GRAMD1A: variants seen among roughly 807,000 people sequenced by gnomAD.
The protein encoded by GRAMD1A is protein Aster-A.
A neutral mutation model predicts 92.0 loss-of-function variants in GRAMD1A; 50 were observed. The ratio of observed to expected loss-of-function variants is 0.54; its 90% CI spans 0.43 to 0.69. The LOEUF (loss-of-function observed/expected upper bound fraction) is 0.69. GRAMD1A is among the 30% of genes least tolerant of loss of function. GRAMD1A has a pLI of 0.00. For synonymous variants in GRAMD1A, 405 were observed against 403.6 expected (o/e 1.00, Z -0.04); for missense variants, 819 against 978.9 (o/e 0.84, Z 2.18).
chr19:35,023,308 C>CT lies in GRAMD1A; in HGVS notation c.1929dup (p.Glu644Ter). 1.9e-6 allele frequency: 3 copies of CT among 1,614,158 alleles called. No homozygotes were observed. The highest frequency in any genetic ancestry group is 2.5e-6 in the Non-Finnish European group (3 of 1,179,978). ...GGTCCCTGGAAAGGACAGCCCACAC[C>CT]TTTGAGTCCTGGCACAGCCTGGCCC... On this transcript the variant is annotated frameshift_variant, in exon 18 of 20. Transcript: ENST00000317991. LOFTEE classifies it high-confidence loss of function.
At chr19:34,997,382 A>C (rs1212686210), upstream of GRAMD1A, among the ~76,000 whole-genome samples, 5 of 145,640 alleles carry the variant, frequency 3.4e-5, no homozygotes, top group Non-Finnish European at 4.5e-5. Context: ...TCACAGGCCA[A>C]AAAAACAAAA....
chr19:35,009,970 T>C lies in GRAMD1A; in HGVS notation c.323T>C (p.Val108Ala), dbSNP rs756755493. ...CTCCCCGAAGCAGAACGCCTCATTG[T>C]GGGTGAGTCCCGGACCCCCAGTCCC... is the stretch of plus-strand genomic sequence containing the variant. Reference protein sequence around the residue: ...SKLPEAERLIVDYSCALQREI... With the variant: ...SKLPEAERLIADYSCALQREI... The change falls in exon 4 of 20, where the codon GTG (valine) becomes GCG (alanine). Residue 108 changes from valine to alanine, a missense_variant and splice_region_variant. Val to Ala is a moderately conservative substitution (Grantham distance 64, BLOSUM62 0). Around this residue, in one of 3 missense-constraint regions of GRAMD1A, gnomAD observed 144 missense variants for 220.3 expected, o/e 0.65. Transcript: ENST00000317991. 1 of 1,606,502 alleles carries C rather than the reference T, an allele frequency of 6.2e-7. No individual in the cohort carries two copies. Among genetic ancestry groups the C allele is most frequent in the Non-Finnish European group, 8.5e-7 (1 of 1,173,024 alleles).
intron 11 of GRAMD1A, among the ~76,000 whole-genome samples, chr19:35,017,116 A>C (rs938296756): frequency 6.6e-6 from 1 of 151,936 alleles, no homozygotes; most frequent in South Asian, 2.1e-4. Context: ...TGGAGGTTGC[A>C]GTGAGCCAAG....
intron 11 of GRAMD1A, among the ~76,000 whole-genome samples, chr19:35,016,330 T>G (rs113711793): frequency 6.6e-6 from 1 of 151,552 alleles, no homozygotes; most frequent in South Asian, 2.1e-4. Flanking sequence ...GGTGCGGTGG[T>G]TCACACCTGT....
chr19:34,997,777 T>C (rs556742166), upstream of GRAMD1A, among the ~76,000 whole-genome samples: 4 of 152,076 alleles, frequency 2.6e-5, no homozygotes, highest in South Asian at 8.3e-4. Flanking sequence ...GACAGAAAAG[T>C]ACACAGGGTC....
rs150714532 is a variant in GRAMD1A at position 35,012,050 on chromosome 19, G to A, written c.606+496G>A. Among the ~76,000 whole-genome samples, 459 of 152,298 alleles carry A rather than the reference G, an allele frequency of 3.0e-3. 2 individuals carry two copies. Among genetic ancestry groups the A allele is most frequent in the African/African-American group, 0.011 (441 of 41,570 alleles). On this transcript the variant is annotated intron_variant, in intron 7 of 19. Transcript: ENST00000317991. ...CCTAAGGAGGACAGGGCAGAGCCCC[G>A]GGATTCCAGCCCCATCCCCTGGGGC...
chr19:35,025,702 A>G (rs954011453), intron 19 of GRAMD1A, among the ~76,000 whole-genome samples: 33 of 152,194 alleles, frequency 2.2e-4, no homozygotes, highest in African/African-American at 8.0e-4. Flanking sequence ...GAACCCTGAA[A>G]TAATCCTGTG....
chr19:35,001,225 C>T (rs12610663), intron 1 of GRAMD1A: 40,429 of 152,190 alleles, frequency 0.27, 6,055 homozygotes, highest in Middle Eastern at 0.4. Flanking sequence ...CTAATTCTGA[C>T]CGCGGCTCTG....
Position 35,023,306 on chromosome 19 carries a change from A to G in GRAMD1A, c.1924A>G (p.Thr642Ala), listed in dbSNP as rs1378054436. The G allele has an allele frequency of 2.5e-6, 4 of 1,613,870 alleles. No individual in the cohort carries two copies. The highest frequency in any genetic ancestry group is 3.4e-6 in the Non-Finnish European group (4 of 1,179,932). The part of the protein sequence containing the change: ...RLWSLERTAH[T>A]FESWHSLALA... The stretch of plus-strand genomic sequence containing the variant: ...CTGGTCCCTGGAAAGGACAGCCCAC[A>G]CCTTTGAGTCCTGGCACAGCCTGGC... The change falls in exon 18 of 20, where the codon ACC becomes GCC. Residue 642 changes from threonine (T) to alanine (A), a missense_variant. By Grantham distance (58) the Thr-to-Ala change is moderately conservative. Coordinates refer to ENST00000317991, the MANE Select transcript of GRAMD1A (RefSeq NM_020895.5).
chr19:35,016,084 A>G, intron 11 of GRAMD1A, 117 bp downstream of exon 11: 2 of 1,110,862 alleles, frequency 1.8e-6, no homozygotes, highest in Non-Finnish European at 2.6e-6. Context: ...GAGGTGGTGA[A>G]AAGCAATGTC....
At chr19:35,019,668 T>C in intron 13 of GRAMD1A, 135 bp downstream of exon 13, 1 of 857,646 alleles carries the variant, frequency 1.2e-6, no homozygotes, top group Non-Finnish European at 1.9e-6. Context: ...GAGGCCCTTG[T>C]CCTCCGAATA....
intron 13 of GRAMD1A, among the ~76,000 whole-genome samples, chr19:35,020,218 C>T (rs556462077): frequency 6.6e-6 from 1 of 152,072 alleles, no homozygotes; most frequent in Non-Finnish European, 1.5e-5. Context: ...GTACGGAAGC[C>T]CTGTCTCTAC....
chr19:35,014,749 G>A (rs1226083655), intron 10 of GRAMD1A: 1 of 278,936 alleles, frequency 3.6e-6, no homozygotes, highest in African/African-American at 2.2e-5. Flanking sequence ...AATGAGGCTG[G>A]GTGTGATGGC....
At position 35,022,035 on chromosome 19, in the gene GRAMD1A, T is replaced by G. The variant is rs369953090; in HGVS notation, c.1838T>G (p.Ile613Ser). 2.4e-5 allele frequency: 39 copies of G among 1,611,036 alleles called. No homozygotes were observed. Among genetic ancestry groups the G allele is most frequent in the Non-Finnish European group, 3.1e-5 (37 of 1,177,634 alleles). The part of the protein sequence containing the change: ...GIPSALVLIS[I>S]VICVSLIILI... ...CCCAGTGCCCTGGTTCTCATCAGCATTGTGTGAGTAAGAGACAGGAGCAGT... is the reference window on the plus strand; with the variant it reads ...CCCAGTGCCCTGGTTCTCATCAGCAGTGTGTGAGTAAGAGACAGGAGCAGT... Residue 613 changes from isoleucine (I) to serine (S), a missense_variant, in exon 16 of 20, where the codon ATT (isoleucine) becomes AGT (serine). Transcript: ENST00000317991.
Position 35,026,066 on chromosome 19 carries a change from G to T in GRAMD1A, c.2100G>T (p.Glu700Asp). Reference sequence around the variant, plus strand: ...CCCCGCAGATGAAGTTCTCGCTGGAGAAGCTGCACCAAGGCATCACAGTCT... The same window carrying T: ...CCCCGCAGATGAAGTTCTCGCTGGATAAGCTGCACCAAGGCATCACAGTCT... ...ELLDEMKFSL[E>D]KLHQGITVSD... The change falls in exon 20 of 20, where the codon GAG becomes GAT. Residue 700 changes from glutamate to aspartate, a missense_variant. Glu to Asp is a conservative substitution (Grantham distance 45). This residue lies in a region of GRAMD1A where 577 missense variants were observed against 674.6 expected (regional missense o/e 0.86). Coordinates refer to ENST00000317991, the MANE Select transcript of GRAMD1A (RefSeq NM_020895.5). The T allele has an allele frequency of 6.3e-7, 1 of 1,598,704 alleles. No homozygotes were observed.
chr19:35,000,764 G>T lies in GRAMD1A; in HGVS notation c.8+278G>T, dbSNP rs889414728. Among the ~76,000 whole-genome samples, 17 of 152,068 alleles carry T rather than the reference G, an allele frequency of 1.1e-4. No individual in the cohort carries two copies. The highest frequency in any genetic ancestry group is 4.1e-4 in the African/African-American group (17 of 41,416). ...ACTGGGTTGCGGGGTTTGGCTGGGG[G>T]CCCGCGGGTTCATCTGGCGGGGAGG... On this transcript the variant is annotated intron_variant, in intron 1 of 19. Coordinates refer to ENST00000317991, the MANE Select transcript of GRAMD1A (RefSeq NM_020895.5). The surrounding 1 kb of genome is among the most constrained non-coding windows in gnomAD (Gnocchi z 4.9).
chr19:35,026,127 G>A lies in GRAMD1A; in HGVS notation c.2161G>A (p.Asp721Asn), dbSNP rs2151742089. 1 of 1,574,118 alleles carries A rather than the reference G, an allele frequency of 6.4e-7. No homozygotes were observed. The highest frequency in any genetic ancestry group is 8.7e-7 in the Non-Finnish European group (1 of 1,143,652). The change falls in exon 20 of 20, where the codon GAC (aspartate) becomes AAC (asparagine). Residue 721 changes from aspartate (D) to asparagine (N), a missense_variant. Physicochemically the swap from Asp to Asn is conservative, Grantham distance 23. Transcript: ENST00000317991. ...PPFDTQPRPD[D>N]SFS ...CTTTGACACCCAGCCCCGGCCCGATGACAGCTTTTCCTGAGGACCCCGGCC... is the reference window on the plus strand; with the variant it reads ...CTTTGACACCCAGCCCCGGCCCGATAACAGCTTTTCCTGAGGACCCCGGCC...
rs1386972738 is a variant in GRAMD1A, at chr19:35,021,495, A to G, written c.1476-7A>G. 1 of 1,609,490 alleles carries G rather than the reference A, an allele frequency of 6.2e-7. No homozygotes were observed. Among genetic ancestry groups the G allele is most frequent in the Admixed American group, 1.7e-5 (1 of 60,012 alleles). On this transcript the variant is annotated splice_polypyrimidine_tract_variant and splice_region_variant and intron_variant, in intron 13 of 19. Coordinates refer to ENST00000317991, the MANE Select transcript of GRAMD1A (RefSeq NM_020895.5). This position sits in a 1 kb window ranked among gnomAD's most constrained non-coding sequence, Gnocchi z 5.3. ...CTTACCTCCTTCCCCTGATCTCCCA[A>G]CCCCAGAGTGTCTTCTGAGATCCGC...
intron 11 of GRAMD1A, among the ~76,000 whole-genome samples, chr19:35,018,277 G>A (rs985287256): frequency 2.0e-5 from 3 of 152,170 alleles, no homozygotes; most frequent in South Asian, 2.1e-4. Flanking sequence ...GATTACAGGC[G>A]TGAGCCACTG....
Sources: allele counts gnomAD v4.1 joint callset (sites outside exome capture counted in the v4.1 genomes callset), GRCh38; gene constraint gnomAD v4.1.1; regional missense constraint gnomAD v4.1.1; non-coding constraint Gnocchi (gnomAD v3.1); transcripts MANE v1.5; gene names NCBI Gene and HGNC (gene_info 2026-07-23, HGNC 2026-07-21).